Variants in OLFM1 observed in about 807,000 individuals in gnomAD.
OLFM1 encodes the protein olfactomedin 1, also known as noelin.
OLFM1 carries 9 observed loss-of-function variants against 49.7 expected under a neutral mutation model. The observed-to-expected ratio is 0.18, with a 90% CI of 0.11 to 0.32. The LOEUF is 0.32. Among genes scored for constraint, OLFM1 ranks in the 10% least tolerant of loss-of-function variants. The probability of loss-of-function intolerance (pLI) is 1.00; values close to 1 mark genes in which losing one functional copy is unlikely to be tolerated. For missense variants in OLFM1, 369 were observed against 661.8 expected, an observed-to-expected ratio of 0.56 and a Z score of 4.85; for synonymous variants, 240 against 271.8, an observed-to-expected ratio of 0.88 and a Z score of 1.15.
At chr9:135,115,284 C>T (rs1831082206) in intron 5 of OLFM1, among the ~76,000 whole-genome samples, 1 of 152,218 alleles carries the variant, frequency 6.6e-6, no homozygotes. Flanking sequence ...CGTCCACATC[C>T]AGGTTGCATC....
chr9:135,087,430 G>C, upstream of OLFM1: 1 of 1,544,626 alleles, frequency 6.5e-7, no homozygotes. Flanking sequence ...TGGAGTCCCC[G>C]CGCCGCCGCC....
chr9:135,091,664 C>CACACAT (rs1830700516), intron 2 of OLFM1, among the ~76,000 whole-genome samples: 1 of 57,596 alleles, frequency 1.7e-5, no homozygotes, highest in African/African-American at 6.6e-5. Flanking sequence ...CACACACACA[C>CACACAT]AGTCACACAC....
In OLFM1 at chr9:135,090,181, C is replaced by G; in HGVS notation, c.151-14C>G. 1.2e-6 allele frequency: 2 copies of G among 1,600,098 alleles called. No individual in the cohort carries two copies. Among genetic ancestry groups the G allele is most frequent in the African/African-American group, 1.3e-5 (1 of 74,818 alleles). On this transcript the variant is annotated splice_polypyrimidine_tract_variant and intron_variant, in intron 1 of 5. Transcript: ENST00000371793. ...CTCTCCTTCCCTCTCCCTTCCCGCC[C>G]CGCCCCTCTCCAGGTGCTGCCCACC... is the stretch of plus-strand genomic sequence containing the variant.
rs1678942262 is a variant in OLFM1, at chr9:135,088,432, G to A, written c.150+293G>A. Among the ~76,000 whole-genome samples, 1 of 152,036 alleles carries A rather than the reference G, an allele frequency of 6.6e-6. No homozygotes were observed. Among genetic ancestry groups the A allele is most frequent in the South Asian group, 2.1e-4 (1 of 4,816 alleles). ...CGGGGGAGCTTGGTGGGTTCTCGGA[G>A]GCTTGGAGTCCTGGGTCAGTAATCA... On this transcript the variant is annotated intron_variant, in intron 1 of 5. Coordinates refer to ENST00000371793, the MANE Select transcript of OLFM1 (RefSeq NM_001282611.2). The surrounding 1 kb of genome is among the most constrained non-coding windows in gnomAD (Gnocchi z 4.8).
chr9:135,094,791 C>T (rs2119112604), intron 2 of OLFM1, among the ~76,000 whole-genome samples: 1 of 152,286 alleles, frequency 6.6e-6, no homozygotes, highest in African/African-American at 2.4e-5. Flanking sequence ...ACACTGTCCT[C>T]TTTTCACACT....
intron 3 of OLFM1, among the ~76,000 whole-genome samples, chr9:135,096,623 G>A (rs770416854): frequency 4.6e-5 from 7 of 152,224 alleles, no homozygotes; most frequent in East Asian, 1.9e-4. Flanking sequence ...TGCGCTGCCC[G>A]AGCCAAGTCG....
upstream of OLFM1, among the ~76,000 whole-genome samples, chr9:135,083,922 G>A (rs914828265): frequency 2.6e-5 from 4 of 152,262 alleles, no homozygotes; most frequent in Non-Finnish European, 5.9e-5. Flanking sequence ...CCTGATGCAG[G>A]TGGTGTTTGG....
At chr9:135,089,712 C>T (rs1222644942) in intron 1 of OLFM1, among the ~76,000 whole-genome samples, 1 of 152,218 alleles carries the variant, frequency 6.6e-6, no homozygotes, top group African/African-American at 2.4e-5. Context: ...GGTGCTTCGT[C>T]TGCAAGTGTC....
At chr9:135,086,572 G>T (rs1225608587), upstream of OLFM1, 1 of 455,704 alleles carries the variant, frequency 2.2e-6, no homozygotes, top group African/African-American at 2.0e-5. Context: ...TGATCTGGAG[G>T]ATTCTTTCCT....
intron 5 of OLFM1, among the ~76,000 whole-genome samples, chr9:135,111,231 G>A (rs984617023): frequency 5.3e-5 from 8 of 152,190 alleles, no homozygotes; most frequent in South Asian, 2.1e-4. Context: ...TTGTGTTTGC[G>A]TGAGAAGGAA....
chr9:135,095,788 G>C, intron 2 of OLFM1, 76 bp from the exon 3 acceptor site: 1 of 1,518,560 alleles, frequency 6.6e-7, no homozygotes, highest in Non-Finnish European at 9.0e-7. Flanking sequence ...AAAGGGCAAT[G>C]TCTGTACGAG....
intron 4 of OLFM1, among the ~76,000 whole-genome samples, chr9:135,101,244 T>G (rs950429642): frequency 6.6e-6 from 1 of 151,938 alleles, no homozygotes; most frequent in Non-Finnish European, 1.5e-5. Context: ...GGCAGTTTCC[T>G]CCCCTGTCCC....
Position 135,113,963 on chromosome 9 carries a change from G to A in OLFM1, c.784-5541G>A, listed in dbSNP as rs1831059147. On this transcript the variant is annotated intron_variant, in intron 5 of 5. Transcript: ENST00000371793. This position sits in a 1 kb window ranked among gnomAD's most constrained non-coding sequence, Gnocchi z 4.0. ...GGAGGACCCTCCTGCCTCGTCTCGTGGCTCCATGTGTTCCTGGCTGTGGCT... is the reference window on the plus strand; with the variant it reads ...GGAGGACCCTCCTGCCTCGTCTCGTAGCTCCATGTGTTCCTGGCTGTGGCT... Among the ~76,000 whole-genome samples, 1 of 152,104 alleles carries A rather than the reference G, an allele frequency of 6.6e-6. No homozygotes were observed. The highest frequency in any genetic ancestry group is 1.5e-5 in the Non-Finnish European group (1 of 68,004).
rs10745396 is a variant in OLFM1 at position 135,107,642 on chromosome 9, C to A, written c.783+787C>A. Among the ~76,000 whole-genome samples the A allele has an allele frequency of 2.3e-3, 345 of 152,138 alleles. 1 individual carries two copies. The highest frequency in any genetic ancestry group is 3.3e-3 in the Non-Finnish European group (226 of 67,988). The stretch of plus-strand genomic sequence containing the variant: ...GGGAAGCTGTCAGGGCTTCGCTGTC[C>A]CTTGATTTGCAAACTGACCTCTGGC... On this transcript the variant is annotated intron_variant, in intron 5 of 5. Transcript: ENST00000371793.
At chr9:135,101,501 C>A (rs79070933) in intron 4 of OLFM1, among the ~76,000 whole-genome samples, 19,734 of 152,202 alleles carry the variant, frequency 0.13, 1,368 homozygotes, top group African/African-American at 0.15. Context: ...TTTCAGTTTC[C>A]AATTCTGAAG....
intron 2 of OLFM1, among the ~76,000 whole-genome samples, chr9:135,091,498 CA>C (rs1830686227): frequency 7.0e-6 from 1 of 143,564 alleles, no homozygotes; most frequent in African/African-American, 2.6e-5. Context: ...GTCACACACA[CA>C]TTCACACAGT....
intron 5 of OLFM1, among the ~76,000 whole-genome samples, chr9:135,116,240 A>C (rs939074910): frequency 1.3e-5 from 2 of 152,220 alleles, no homozygotes; most frequent in African/African-American, 4.8e-5. Flanking sequence ...CTCTCTTTGC[A>C]TGGGTGCCTT....
chr9:135,098,020 G>GAAA lies in OLFM1; in HGVS notation c.457-258_457-256dup. Reference sequence around the variant, plus strand: ...GTCAATGCATTTTTTGAAAAAGAAAGAAAAAAAAAACTTCGTGTATGTGAC... The same window carrying GAAA: ...GTCAATGCATTTTTTGAAAAAGAAAGAAAAAAAAAAAAACTTCGTGTATGTGAC... On this transcript the variant is annotated intron_variant, in intron 3 of 5. Coordinates refer to ENST00000371793, the MANE Select transcript of OLFM1 (RefSeq NM_001282611.2). The surrounding 1 kb of genome is among the most constrained non-coding windows in gnomAD (Gnocchi z 5.6). The GAAA allele has an allele frequency of 7.7e-7, 1 of 1,293,652 alleles. No individual in the cohort carries two copies. Among genetic ancestry groups the GAAA allele is most frequent in the South Asian group, 1.8e-5 (1 of 54,522 alleles). The allele number at this position is 1,293,652 out of a possible 1,614,324, so 80.1% of individuals were successfully genotyped here. A position where few individuals can be genotyped will look rare whatever the true frequency, so the allele number is the denominator to read the frequency against.
At chr9:135,090,608 G>C (rs1337911526) in intron 2 of OLFM1, among the ~76,000 whole-genome samples, 1 of 152,106 alleles carries the variant, frequency 6.6e-6, no homozygotes, top group African/African-American at 2.4e-5. Flanking sequence ...ACTTCCAAGG[G>C]TGGTCCAGGA....
Sources: allele counts gnomAD v4.1 joint callset (sites outside exome capture counted in the v4.1 genomes callset), GRCh38; gene constraint gnomAD v4.1.1; non-coding constraint Gnocchi (gnomAD v3.1); transcripts MANE v1.5; gene names NCBI Gene and HGNC (gene_info 2026-07-23, HGNC 2026-07-21).